The following CTTNBP2NL variants were observed in gnomAD, a reference collection of about 807,000 sequenced individuals.
CTTNBP2NL encodes CTTNBP2 N-terminal like, also known as CTTNBP2 N-terminal-like protein.
In CTTNBP2NL, 16 loss-of-function variants were observed where a neutral mutation model predicts 32.5. That is an observed-to-expected ratio of 0.49 (90% CI 0.33 to 0.75). The LOEUF (loss-of-function observed/expected upper bound fraction) is 0.75, where lower values mean the gene tolerates loss of function less well. Ranked by LOEUF, CTTNBP2NL falls within the 30% of genes least tolerant of loss-of-function variation. The probability of loss-of-function intolerance (pLI) is 0.02; values close to 1 mark genes in which losing one functional copy is unlikely to be tolerated. For missense variants in CTTNBP2NL, 645 were observed against 756.0 expected (o/e 0.85, Z 1.72); for synonymous variants, 298 against 289.4 (o/e 1.03, Z -0.30).
chr1:112,416,126 G>C (rs1649054099), intron 2 of CTTNBP2NL, 31 bp from the exon 3 acceptor site: 2 of 1,107,216 alleles, frequency 1.8e-6, no homozygotes, highest in South Asian at 2.7e-5. Context: ...CTATGTCTTT[G>C]GAGATTGTCT....
intron 3 of CTTNBP2NL, among the ~76,000 whole-genome samples, chr1:112,419,118 A>T (rs1056415394): frequency 6.6e-6 from 1 of 152,220 alleles, no homozygotes; most frequent in African/African-American, 2.4e-5. Context: ...CAATCATAAA[A>T]TAGGGATATC....
chr1:112,447,972 A>G (rs1650103290), intron 3 of CTTNBP2NL, among the ~76,000 whole-genome samples: 2 of 152,230 alleles, frequency 1.3e-5, no homozygotes, highest in Non-Finnish European at 2.9e-5. Context: ...AGTAATGTAC[A>G]TGTAATGTAT....
intron 1 of CTTNBP2NL, among the ~76,000 whole-genome samples, chr1:112,409,516 C>A (rs2100996677): frequency 6.6e-6 from 1 of 152,206 alleles, no homozygotes; most frequent in African/African-American, 2.4e-5. Flanking sequence ...GTGGAAAAAC[C>A]TACCACCTGG....
intron 3 of CTTNBP2NL, among the ~76,000 whole-genome samples, chr1:112,424,214 C>T (rs766593719): frequency 6.6e-6 from 1 of 152,094 alleles, no homozygotes; most frequent in African/African-American, 2.4e-5. Flanking sequence ...TTATATAGTA[C>T]AATGCATGGA....
intron 3 of CTTNBP2NL, among the ~76,000 whole-genome samples, chr1:112,432,906 G>A (rs925640096): frequency 1.3e-5 from 2 of 151,590 alleles, no homozygotes; most frequent in Non-Finnish European, 2.9e-5. Context: ...GAAATTTTAC[G>A]TTTTGAAGTT....
At chr1:112,425,243 G>A (rs574360160) in intron 3 of CTTNBP2NL, among the ~76,000 whole-genome samples, 1 of 152,224 alleles carries the variant, frequency 6.6e-6, no homozygotes, top group African/African-American at 2.4e-5. Flanking sequence ...GGCTGAGGCA[G>A]GCAGATCACC....
At chr1:112,427,906 A>AC in intron 3 of CTTNBP2NL, among the ~76,000 whole-genome samples, 1 of 151,850 alleles carries the variant, frequency 6.6e-6, no homozygotes, top group East Asian at 1.9e-4. Context: ...AAAAAAAAAA[A>AC]AAAACAGTAA....
At chr1:112,404,358 G>GT (rs1557883638) in intron 1 of CTTNBP2NL, among the ~76,000 whole-genome samples, 1 of 151,954 alleles carries the variant, frequency 6.6e-6, no homozygotes, top group Non-Finnish European at 1.5e-5. Flanking sequence ...ATTATTTGAA[G>GT]TTTTTTTTGC....
At chr1:112,425,506 A>C (rs1328761824) in intron 3 of CTTNBP2NL, among the ~76,000 whole-genome samples, 1 of 152,098 alleles carries the variant, frequency 6.6e-6, no homozygotes, top group African/African-American at 2.4e-5. Flanking sequence ...TTTTGTATAC[A>C]TTGATTTTAT....
At chr1:112,395,880 C>CA (rs1190949509), upstream of CTTNBP2NL, among the ~76,000 whole-genome samples, 2 of 152,232 alleles carry the variant, frequency 1.3e-5, no homozygotes, top group African/African-American at 4.8e-5. Context: ...ACTCCGCGTA[C>CA]AGTCAGGTAA....
chr1:112,425,662 A>C (rs1256151337), intron 3 of CTTNBP2NL, among the ~76,000 whole-genome samples: 4 of 151,748 alleles, frequency 2.6e-5, no homozygotes, highest in Non-Finnish European at 4.4e-5. Flanking sequence ...CCAGGAGTTC[A>C]AGACCAGCAT....
chr1:112,424,639 C>T (rs577946259), intron 3 of CTTNBP2NL, among the ~76,000 whole-genome samples: 3 of 152,242 alleles, frequency 2.0e-5, no homozygotes, highest in East Asian at 3.9e-4. Flanking sequence ...TTGTGTTTTT[C>T]GATCCATGAA....
At chr1:112,403,556 T>C (rs1241514837) in intron 1 of CTTNBP2NL, among the ~76,000 whole-genome samples, 3 of 152,218 alleles carry the variant, frequency 2.0e-5, no homozygotes, top group African/African-American at 4.8e-5. Flanking sequence ...GAATTACGAA[T>C]GTAGATACAT....
At chr1:112,402,567 C>G (rs1648539141) in intron 1 of CTTNBP2NL, among the ~76,000 whole-genome samples, 1 of 152,304 alleles carries the variant, frequency 6.6e-6, no homozygotes, top group East Asian at 1.9e-4. Context: ...GAAAGAAGCA[C>G]AAACTGGGTT....
rs149997237 is a variant in CTTNBP2NL, at chr1:112,422,918, C to T, written c.99+6654C>T. ...AGCAATCCTCCAGCCTCAGCCTCCC[C>T]AGTAGCTGGAACTACAGGCACACAC... On this transcript the variant is annotated intron_variant, in intron 3 of 5. Transcript: ENST00000271277. Among the ~76,000 whole-genome samples, 503 of 152,168 alleles carry T rather than the reference C, an allele frequency of 3.3e-3. 3 individuals are homozygous for T. The highest frequency in any genetic ancestry group is 0.012 in the African/African-American group (481 of 41,518).
At chr1:112,410,281 A>G (rs1325805575) in intron 1 of CTTNBP2NL, among the ~76,000 whole-genome samples, 4 of 152,132 alleles carry the variant, frequency 2.6e-5, no homozygotes, top group African/African-American at 9.6e-5. Flanking sequence ...AATCTCAGCT[A>G]CTCAGAAGGC....
At chr1:112,410,778 G>A (rs1253467088) in intron 1 of CTTNBP2NL, among the ~76,000 whole-genome samples, 1 of 152,124 alleles carries the variant, frequency 6.6e-6, no homozygotes, top group Non-Finnish European at 1.5e-5. Flanking sequence ...GATAAGTAGG[G>A]AATGAGTCCA....
At chr1:112,448,921 A>T (rs1377278235) in intron 3 of CTTNBP2NL, 21 bp from the exon 4 acceptor site, 1 of 1,433,100 alleles carries the variant, frequency 7.0e-7, no homozygotes, top group Admixed American at 1.7e-5. Context: ...CAAGATGCTT[A>T]TTTTTTTTCC....
At chr1:112,412,720 G>A (rs1275914013) in intron 2 of CTTNBP2NL, among the ~76,000 whole-genome samples, 2 of 148,334 alleles carry the variant, frequency 1.3e-5, no homozygotes, top group African/African-American at 2.5e-5. Flanking sequence ...AGGTTCAAGC[G>A]ATTCTCCTGC....
Sources: gnomAD v4.1 joint callset for allele counts (sites outside exome capture counted in the v4.1 genomes callset) on GRCh38, gnomAD v4.1.1 for gene constraint, MANE v1.5 for transcripts, NCBI Gene and HGNC (gene_info 2026-07-23, HGNC 2026-07-21) for gene names.